CNNM2: variants seen among roughly 807,000 people sequenced by gnomAD.
CNNM2 encodes cyclin and CBS domain divalent metal cation transport mediator 2, also known as metal transporter CNNM2.
A neutral mutation model predicts 66.9 loss-of-function variants in CNNM2; 12 were observed. The ratio of observed to expected loss-of-function variants is 0.18; its 90% CI spans 0.11 to 0.29. The LOEUF is 0.29. Ranked by LOEUF, CNNM2 falls within the 10% of genes least tolerant of loss-of-function variation. The pLI is 1.00. For synonymous variants in CNNM2, 557 were observed against 501.8 expected (o/e 1.11, Z -1.47); for missense variants, 705 against 1,167.7 (o/e 0.60, Z 5.77).
chr10:102,943,171 G>A (rs1211559387), intron 1 of CNNM2, among the ~76,000 whole-genome samples: 1 of 152,110 alleles, frequency 6.6e-6, no homozygotes, highest in Non-Finnish European at 1.5e-5. Context: ...GTTGCAGTGA[G>A]CTGAGATCGT....
At position 102,919,149 on chromosome 10, in the gene CNNM2, C is replaced by G; in HGVS notation, c.669C>G (p.Leu223=). The change falls in exon 1 of 8, where the codon CTC becomes CTG. Residue 223 remains leucine, a synonymous_variant. Coordinates refer to ENST00000369878, the MANE Select transcript of CNNM2 (RefSeq NM_017649.5). ...AGGGTGGCTCGGGGGTGGCCGGGCTCCCGCCGCCCCCGTGGGCCGAGACCA... is the reference window on the plus strand; with the variant it reads ...AGGGTGGCTCGGGGGTGGCCGGGCTGCCGCCGCCCCCGTGGGCCGAGACCA... ...GGKGGSGVAG[L]PPPPWAETTW... The G allele has an allele frequency of 6.2e-7, 1 of 1,609,286 alleles. No homozygotes were observed. The highest frequency in any genetic ancestry group is 8.5e-7 in the Non-Finnish European group (1 of 1,179,270).
chr10:102,921,099 G>A, intron 1 of CNNM2: 1 of 952,874 alleles, frequency 1.0e-6, no homozygotes, highest in Non-Finnish European at 1.2e-6. Context: ...TTGTTCGTTT[G>A]ACCATATAAT....
intron 1 of CNNM2, among the ~76,000 whole-genome samples, chr10:102,927,950 G>A (rs1845933605): frequency 6.6e-6 from 1 of 152,124 alleles, no homozygotes; most frequent in Admixed American, 6.5e-5. Context: ...GCTGTCATTC[G>A]GAGGTGGGAG....
rs555885149 is a variant in CNNM2 at position 103,078,301 on chromosome 10, C to G, written c.*1121C>G. ...GAGGGAACTTTGGGGATTGCCAGCC[C>G]CTGCTCCTCCTCCCAGGGAGCCAAC... On this transcript the variant is annotated 3_prime_UTR_variant, in exon 8 of 8. Transcript: ENST00000369878. The G allele has an allele frequency of 1.3e-5, 2 of 152,406 alleles. No homozygotes were observed. The highest frequency in any genetic ancestry group is 6.5e-5 in the Admixed American group (1 of 15,308). The allele number at this position is 152,406 out of a possible 1,614,324, so 9.4% of individuals were successfully genotyped here. A position where few individuals can be genotyped will look rare whatever the true frequency, so the allele number is the denominator to read the frequency against.
At chr10:102,965,006 C>G (rs1329428979) in intron 1 of CNNM2, among the ~76,000 whole-genome samples, 3 of 152,184 alleles carry the variant, frequency 2.0e-5, no homozygotes, top group African/African-American at 7.2e-5. Flanking sequence ...GCGTTCCTCC[C>G]CTCCAGAGGA....
intron 1 of CNNM2, among the ~76,000 whole-genome samples, chr10:103,009,634 G>A (rs1465559076): frequency 7.3e-6 from 1 of 137,702 alleles, no homozygotes. Context: ...GGAGGCTGCA[G>A]TGAGCCATGA....
At chr10:103,023,713 A>C (rs2064640375) in intron 1 of CNNM2, among the ~76,000 whole-genome samples, 1 of 152,174 alleles carries the variant, frequency 6.6e-6, no homozygotes, top group South Asian at 2.1e-4. Flanking sequence ...ACACATCCAG[A>C]CCATGTGATT....
At chr10:102,994,268 T>C (rs1412254689) in intron 1 of CNNM2, among the ~76,000 whole-genome samples, 1 of 152,190 alleles carries the variant, frequency 6.6e-6, no homozygotes, top group Non-Finnish European at 1.5e-5. Flanking sequence ...TTACTTGATA[T>C]GAGTTGTGAA....
At chr10:102,939,164 G>A (rs781111442) in intron 1 of CNNM2, among the ~76,000 whole-genome samples, 1 of 152,118 alleles carries the variant, frequency 6.6e-6, no homozygotes, top group African/African-American at 2.4e-5. Flanking sequence ...CATTCAACCT[G>A]CCTAGTTGTT....
intron 1 of CNNM2, among the ~76,000 whole-genome samples, chr10:103,008,357 G>A (rs1406408181): frequency 3.3e-5 from 5 of 152,134 alleles, no homozygotes; most frequent in African/African-American, 9.7e-5. Flanking sequence ...CCAAGTGCAG[G>A]CCCTTCCAAA....
chr10:103,041,168 C>G (rs1419353353), intron 1 of CNNM2, among the ~76,000 whole-genome samples: 1 of 152,144 alleles, frequency 6.6e-6, no homozygotes, highest in South Asian at 2.1e-4. Context: ...ATTCCCCGTT[C>G]CTGTCTCCAG....
rs1258643227 is a variant in CNNM2 at position 103,054,445 on chromosome 10, A to G, written c.1882A>G (p.Met628Val). ...AATATCACCACAGCTCCTCCTGGCC[A>G]TGCACCGTTTCCTAGCAACAGGCAA... ...VKISPQLLLAMHRFLATEVEA... is the reference protein window; with the variant it reads ...VKISPQLLLAVHRFLATEVEA... Residue 628 changes from methionine (M) to valine (V), a missense_variant, in exon 3 of 8, where the codon ATG becomes GTG. Physicochemically the swap from Met to Val is conservative, Grantham distance 21. Transcript: ENST00000369878. The surrounding 1 kb of genome is among the most constrained non-coding windows in gnomAD (Gnocchi z 5.2). The G allele has an allele frequency of 3.1e-6, 5 of 1,613,780 alleles. No homozygotes were observed. The highest frequency in any genetic ancestry group is 1.1e-5 in the South Asian group (1 of 91,068).
rs928314070 is a variant in CNNM2 at position 103,060,970 on chromosome 10, T to C, written c.2073+4006T>C. ...ACCATAAAAGTCTATTATTAAATAA[T>C]GTAAATACCATAGAGGTGGTCTGTC... On this transcript the variant is annotated intron_variant, in intron 4 of 7. Coordinates refer to ENST00000369878, the MANE Select transcript of CNNM2 (RefSeq NM_017649.5). 2.0e-5 allele frequency among the ~76,000 whole-genome samples: 3 copies of C among 152,204 alleles called. No individual in the cohort carries two copies. The East Asian group carries it at 5.8e-4, about 29-fold the overall frequency.
chr10:103,014,246 T>C (rs2064398537), intron 1 of CNNM2, among the ~76,000 whole-genome samples: 2 of 152,236 alleles, frequency 1.3e-5, no homozygotes, highest in African/African-American at 4.8e-5. Context: ...GACAAGACGT[T>C]GTCCTTGCCC....
intron 1 of CNNM2, among the ~76,000 whole-genome samples, chr10:103,046,769 T>C (rs919134044): frequency 6.6e-6 from 1 of 152,254 alleles, no homozygotes; most frequent in Non-Finnish European, 1.5e-5. Flanking sequence ...ACTGTGTTAG[T>C]TGAAGTATAT....
intron 1 of CNNM2, among the ~76,000 whole-genome samples, chr10:103,046,144 A>G (rs1356185029): frequency 1.3e-5 from 2 of 152,224 alleles, no homozygotes; most frequent in African/African-American, 2.4e-5. Flanking sequence ...TTTCACAACA[A>G]TCCTATTGCA....
intron 2 of CNNM2, among the ~76,000 whole-genome samples, chr10:103,051,148 C>T (rs2065206248): frequency 6.6e-6 from 1 of 152,142 alleles, no homozygotes; most frequent in African/African-American, 2.4e-5. Flanking sequence ...TTATTCAGTC[C>T]TGCTAGAAGG....
intron 5 of CNNM2, among the ~76,000 whole-genome samples, chr10:103,069,035 C>T (rs1388596678): frequency 6.6e-6 from 1 of 152,196 alleles, no homozygotes; most frequent in Non-Finnish European, 1.5e-5. Flanking sequence ...GACTTCTCAG[C>T]CTAATTCTGC....
intron 1 of CNNM2, among the ~76,000 whole-genome samples, chr10:102,929,325 G>A (rs1386480866): frequency 6.6e-6 from 1 of 152,056 alleles, no homozygotes; most frequent in Admixed American, 6.5e-5. Flanking sequence ...CAGCACTTTA[G>A]GAAGCTTTTA....
Sources: allele counts gnomAD v4.1 joint callset (sites outside exome capture counted in the v4.1 genomes callset), GRCh38; gene constraint gnomAD v4.1.1; non-coding constraint Gnocchi (gnomAD v3.1); transcripts MANE v1.5; gene names NCBI Gene and HGNC (gene_info 2026-07-23, HGNC 2026-07-21).